The following ARAP1 variants were observed in gnomAD, a reference collection of about 807,000 sequenced individuals.
ARAP1 encodes arf-GAP with Rho-GAP domain, ANK repeat and PH domain-containing protein 1.
A neutral mutation model predicts 172.2 loss-of-function variants in ARAP1; 76 were observed. That is an observed-to-expected ratio of 0.44 (90% CI 0.37 to 0.53). ARAP1 has a LOEUF of 0.53. ARAP1 is among the 20% of genes least tolerant of loss of function. The pLI is 0.00. For synonymous variants in ARAP1, 804 were observed against 803.3 expected (o/e 1.00, Z -0.01); for missense variants, 1,686 against 1,977.5 (o/e 0.85, Z 2.80).
At chr11:72,696,224 A>G (rs7112897) in intron 23 of ARAP1, among the ~76,000 whole-genome samples, 76,903 of 151,946 alleles carry the variant, frequency 0.51, 19,611 homozygotes, top group Non-Finnish European at 0.55. Flanking sequence ...CCTCCCATGC[A>G]CGGTTCACAA....
At chr11:72,712,636 C>A (rs772757161) in intron 5 of ARAP1, 68 bp from the exon 6 acceptor site, 2 of 1,603,826 alleles carry the variant, frequency 1.2e-6, no homozygotes, top group East Asian at 4.5e-5. Context: ...CCGGGGCTGC[C>A]ACGCCCCCTC....
At chr11:72,734,189 T>C (rs1857945337) in intron 1 of ARAP1, among the ~76,000 whole-genome samples, 1 of 152,070 alleles carries the variant, frequency 6.6e-6, no homozygotes, top group African/African-American at 2.4e-5. Flanking sequence ...AGTGCAATCA[T>C]AGCTTACTGC....
chr11:72,737,142 G>A (rs752590835), intron 1 of ARAP1, among the ~76,000 whole-genome samples: 1 of 152,068 alleles, frequency 6.6e-6, no homozygotes, highest in Non-Finnish European at 1.5e-5. Context: ...TTGTTTTGTG[G>A]GGGTCCACCT....
At chr11:72,751,619 A>C (rs1207396148) in intron 1 of ARAP1, among the ~76,000 whole-genome samples, 1 of 151,538 alleles carries the variant, frequency 6.6e-6, no homozygotes, top group African/African-American at 2.4e-5. Flanking sequence ...CCTCCCACCT[A>C]TCTGGGATCA....
intron 30 of ARAP1, among the ~76,000 whole-genome samples, chr11:72,691,137 G>A (rs2135491339): frequency 6.6e-6 from 1 of 152,322 alleles, no homozygotes; most frequent in African/African-American, 2.4e-5. Flanking sequence ...CTGGGTGCAA[G>A]TCCCAGTCTA....
At chr11:72,749,521 T>C (rs1289440760) in intron 1 of ARAP1, among the ~76,000 whole-genome samples, 2 of 152,234 alleles carry the variant, frequency 1.3e-5, no homozygotes, top group African/African-American at 4.8e-5. Flanking sequence ...TATGCTCTTA[T>C]GCAATTATGT....
At chr11:72,729,166 A>C (rs935193193) in intron 2 of ARAP1, among the ~76,000 whole-genome samples, 3 of 152,214 alleles carry the variant, frequency 2.0e-5, no homozygotes, top group Non-Finnish European at 4.4e-5. Context: ...TAGCCTCTCA[A>C]ACTTGTGGGG....
At position 72,699,937 on chromosome 11, in the gene ARAP1, T is replaced by G; in HGVS notation, c.2303-385A>C. 8.6e-6 allele frequency: 2 copies of G among 231,684 alleles called. No homozygotes were observed. The highest frequency in any genetic ancestry group is 8.7e-6 in the Non-Finnish European group (1 of 114,744). 14.4% of individuals were successfully genotyped at this position (231,684 alleles called of 1,614,324 possible). ...TGTCACTCCTGGACACACACATCCC[T>G]ACCCAGCACTCCCAGCTTTTGCAAA... On this transcript the variant is annotated intron_variant, in intron 16 of 34. Transcript: ENST00000393609. The surrounding 1 kb of genome is among the most constrained non-coding windows in gnomAD (Gnocchi z 4.2).
At chr11:72,728,548 C>G (rs1857767273) in intron 2 of ARAP1, among the ~76,000 whole-genome samples, 1 of 151,818 alleles carries the variant, frequency 6.6e-6, no homozygotes, top group Non-Finnish European at 1.5e-5. Flanking sequence ...GCCACTGCAC[C>G]CCAGCCTGGG....
At chr11:72,723,434 G>C (rs1049244210) in intron 3 of ARAP1, among the ~76,000 whole-genome samples, 2 of 152,180 alleles carry the variant, frequency 1.3e-5, no homozygotes, top group African/African-American at 4.8e-5. Flanking sequence ...CCATGCCAAG[G>C]CCAGGAGGAG....
Position 72,751,791 on chromosome 11 carries a change from C to T in ARAP1, c.-128+537G>A, listed in dbSNP as rs76140964. On this transcript the variant is annotated intron_variant, in intron 1 of 34. Coordinates refer to ENST00000393609, the MANE Select transcript of ARAP1 (RefSeq NM_001040118.3). ...ACCCTAAGCCTGCTCTCTCCAGGCC[C>T]AACCACCCCACTCCCAGCGTGACCC... Among the ~76,000 whole-genome samples the T allele has an allele frequency of 2.8e-4, 42 of 152,178 alleles. No homozygotes were observed. The East Asian group carries it at 7.9e-3, about 29-fold the overall frequency.
At chr11:72,729,338 T>A (rs2135575384) in intron 2 of ARAP1, among the ~76,000 whole-genome samples, 1 of 152,300 alleles carries the variant, frequency 6.6e-6, no homozygotes, top group East Asian at 1.9e-4. Flanking sequence ...ACACCTATAA[T>A]CCCAGCACTT....
At chr11:72,707,705 A>G (rs1352080554) in intron 11 of ARAP1, among the ~76,000 whole-genome samples, 2 of 152,132 alleles carry the variant, frequency 1.3e-5, no homozygotes, top group Non-Finnish European at 2.9e-5. Flanking sequence ...AGACAGAGGG[A>G]ACAGCATGTG....
chr11:72,724,160 C>T (rs560223460), intron 3 of ARAP1, among the ~76,000 whole-genome samples: 68 of 152,268 alleles, frequency 4.5e-4, no homozygotes, highest in African/African-American at 1.5e-3. Flanking sequence ...CACAGACATT[C>T]TACTACCCTG....
intron 3 of ARAP1, among the ~76,000 whole-genome samples, chr11:72,721,561 G>C (rs1857512806): frequency 6.6e-6 from 1 of 152,144 alleles, no homozygotes; most frequent in African/African-American, 2.4e-5. Flanking sequence ...CCAGAAAACA[G>C]GCACCGTGGG....
At chr11:72,739,666 G>A (rs1442074977) in intron 1 of ARAP1, among the ~76,000 whole-genome samples, 1 of 152,174 alleles carries the variant, frequency 6.6e-6, no homozygotes, top group Non-Finnish European at 1.5e-5. Context: ...CTGGCACCCA[G>A]ATGACCATGA....
At position 72,742,998 on chromosome 11, in the gene ARAP1, C is replaced by T. The variant is rs57712040; in HGVS notation, c.-128+9330G>A. On this transcript the variant is annotated intron_variant, in intron 1 of 34. Transcript: ENST00000393609. ...AGGCATCTCCATGACTCCTCATACC[C>T]ATTCGGGCACCTCCTCAAATGCAAG... 8.0e-3 allele frequency among the ~76,000 whole-genome samples: 1,212 copies of T among 152,300 alleles called. 19 individuals carry two copies. Among genetic ancestry groups the T allele is most frequent in the African/African-American group, 0.027 (1,139 of 41,560 alleles).
At chr11:72,732,798 T>C (rs1225088494) in intron 1 of ARAP1, among the ~76,000 whole-genome samples, 1 of 151,734 alleles carries the variant, frequency 6.6e-6, no homozygotes, top group Non-Finnish European at 1.5e-5. Flanking sequence ...CTGGGCAACA[T>C]AAGAAGACCC....
intron 33 of ARAP1, among the ~76,000 whole-genome samples, chr11:72,686,482 G>A (rs567955362): frequency 4.6e-5 from 7 of 152,206 alleles, no homozygotes; most frequent in Non-Finnish European, 8.8e-5. Flanking sequence ...CTTAGGAATC[G>A]GGAACTACAA....
Sources: allele counts gnomAD v4.1 joint callset (sites outside exome capture counted in the v4.1 genomes callset), GRCh38; gene constraint gnomAD v4.1.1; non-coding constraint Gnocchi (gnomAD v3.1); transcripts MANE v1.5; gene names NCBI Gene and HGNC (gene_info 2026-07-23, HGNC 2026-07-21).